LEPR: variants seen among roughly 807,000 people sequenced by gnomAD.
LEPR encodes the protein leptin receptor.
Under a neutral mutation model 114.7 loss-of-function variants are expected in LEPR, and 56 were observed. The ratio of observed to expected loss-of-function variants is 0.49; its 90% CI spans 0.39 to 0.61. LEPR has a LOEUF of 0.61. Ranked by LOEUF, LEPR falls within the 20% of genes least tolerant of loss-of-function variation. The pLI is 0.00. For synonymous variants in LEPR, 443 were observed against 461.4 expected, an observed-to-expected ratio of 0.96 and a Z score of 0.51; for missense variants, 1,202 against 1,352.9, an observed-to-expected ratio of 0.89 and a Z score of 1.75.
intron 1 of LEPR, among the ~76,000 whole-genome samples, chr1:65,422,521 C>T (rs906263971): frequency 1.3e-4 from 20 of 152,158 alleles, no homozygotes; most frequent in African/African-American, 4.8e-4. Context: ...GTAACGGCAG[C>T]CCTAGGAAGC....
At chr1:65,539,063 GTT>G (rs11350037) in intron 2 of LEPR, among the ~76,000 whole-genome samples, 123 of 134,966 alleles carry the variant, frequency 9.1e-4, no homozygotes, top group Non-Finnish European at 1.2e-3. Flanking sequence ...TTATTTCCTG[GTT>G]TTTTTTTTTT....
intron 1 of LEPR, 115 bp downstream of exon 1, chr1:65,420,855 C>A: frequency 7.7e-7 from 1 of 1,304,412 alleles, no homozygotes; most frequent in Non-Finnish European, 1.1e-6. Flanking sequence ...CCACCCTTCC[C>A]GCCTCTCCGG....
Position 65,630,231 on chromosome 1 carries a change from T to A in LEPR, c.2674-5960T>A, listed in dbSNP as rs1376984677. On this transcript the variant is annotated intron_variant, in intron 19 of 19. Coordinates refer to ENST00000349533, the MANE Select transcript of LEPR (RefSeq NM_002303.6). ...TTGAAGGCAGCATGTTCGTTAAGAGTCATCACCACTCCCTAATCTCAAGTA... is the reference window on the plus strand; with the variant it reads ...TTGAAGGCAGCATGTTCGTTAAGAGACATCACCACTCCCTAATCTCAAGTA... 12 of 348,804 alleles carry A rather than the reference T, an allele frequency of 3.4e-5. No homozygotes were observed. Among genetic ancestry groups the A allele is most frequent in the Non-Finnish European group, 6.1e-5 (11 of 179,252 alleles). The allele number at this position is 348,804 out of a possible 1,614,324, so 21.6% of individuals were successfully genotyped here.
At chr1:65,541,551 C>A (rs1017233094) in intron 2 of LEPR, among the ~76,000 whole-genome samples, 2 of 151,784 alleles carry the variant, frequency 1.3e-5, no homozygotes, top group Non-Finnish European at 2.9e-5. Context: ...AAGTCTTTAA[C>A]AGCTACTTGA....
At chr1:65,636,084 T>A in intron 19 of LEPR, 107 bp from the exon 20 acceptor site, 6 of 1,300,052 alleles carry the variant, frequency 4.6e-6, no homozygotes, top group Non-Finnish European at 6.6e-6. Flanking sequence ...TGTGGTTGAC[T>A]TATGTTCTTT....
At chr1:65,475,813 C>T (rs554646917) in intron 2 of LEPR, among the ~76,000 whole-genome samples, 170 of 152,030 alleles carry the variant, frequency 1.1e-3, no homozygotes, top group Non-Finnish European at 2.0e-3. Flanking sequence ...CCCACCATTA[C>T]GAAACCAGCT....
intron 7 of LEPR, 37 bp downstream of exon 7, chr1:65,596,630 A>C (rs1206855975): frequency 1.9e-6 from 3 of 1,586,528 alleles, no homozygotes. Flanking sequence ...AAAAGTTGAG[A>C]AGTAAATAAA....
intron 2 of LEPR, among the ~76,000 whole-genome samples, chr1:65,442,722 C>T (rs1646664842): frequency 6.6e-6 from 1 of 152,034 alleles, no homozygotes; most frequent in Admixed American, 6.6e-5. Context: ...ATATGATATA[C>T]CTCAATAAAA....
intron 2 of LEPR, among the ~76,000 whole-genome samples, chr1:65,454,033 G>A (rs1281723004): frequency 5.3e-5 from 8 of 151,482 alleles, no homozygotes; most frequent in Non-Finnish European, 8.8e-5. Flanking sequence ...TTACCATTAT[G>A]TAATGGCCTT....
In LEPR at chr1:65,633,277, A is replaced by C; in HGVS notation, c.2674-2914A>C. The C allele has an allele frequency of 3.2e-6, 5 of 1,540,356 alleles. No individual in the cohort carries two copies. Among genetic ancestry groups the C allele is most frequent in the Non-Finnish European group, 4.4e-6 (5 of 1,148,160 alleles). On this transcript the variant is annotated intron_variant, in intron 19 of 19. Coordinates refer to ENST00000349533, the MANE Select transcript of LEPR (RefSeq NM_002303.6). The surrounding 1 kb of genome is among the most constrained non-coding windows in gnomAD (Gnocchi z 4.1). ...GAAGAAGGGGAGCAAATCTAAAAAA[A>C]ATTCAGTTGAACTTCTGAGAGTTAA...
chr1:65,433,588 G>A, intron 2 of LEPR: 1 of 985,442 alleles, frequency 1.0e-6, no homozygotes, highest in Middle Eastern at 5.2e-4. Context: ...CTGGAAAATA[G>A]AAAGTAATAA....
At chr1:65,599,018 T>A (rs889682851) in intron 8 of LEPR, among the ~76,000 whole-genome samples, 3 of 152,112 alleles carry the variant, frequency 2.0e-5, no homozygotes, top group Admixed American at 2.0e-4. Flanking sequence ...TATTGTAGGA[T>A]CACTTTTCCT....
chr1:65,621,348 T>C lies in LEPR; in HGVS notation c.2492-5T>C. The C allele has an allele frequency of 1.2e-6, 2 of 1,610,890 alleles. No individual in the cohort carries two copies. Among genetic ancestry groups the C allele is most frequent in the Non-Finnish European group, 1.7e-6 (2 of 1,177,520 alleles). The stretch of plus-strand genomic sequence containing the variant: ...TGAGTTGTGTAAATTGTATTTCTTT[T>C]TCAGATGATATTGAAAAACACCAGA... On this transcript the variant is annotated splice_region_variant and splice_polypyrimidine_tract_variant and intron_variant, in intron 17 of 19. Coordinates refer to ENST00000349533, the MANE Select transcript of LEPR (RefSeq NM_002303.6).
intron 2 of LEPR, among the ~76,000 whole-genome samples, chr1:65,513,954 C>T (rs1422812334): frequency 1.3e-5 from 2 of 152,048 alleles, no homozygotes; most frequent in African/African-American, 4.8e-5. Context: ...CTGTGTTGCT[C>T]ATTTATGAGA....
At chr1:65,581,917 T>C (rs1655014930) in intron 5 of LEPR, among the ~76,000 whole-genome samples, 1 of 152,324 alleles carries the variant, frequency 6.6e-6, no homozygotes, top group African/African-American at 2.4e-5. Flanking sequence ...ACCACTGTTC[T>C]CCAGTTTCCA....
rs528483799 is a variant in LEPR at position 65,636,742 on chromosome 1, G to C, written c.3225G>C (p.Lys1075Asn). 1.9e-5 allele frequency: 30 copies of C among 1,612,320 alleles called. No individual in the cohort carries two copies. In the South Asian group the frequency reaches 2.8e-4, roughly 15 times the overall value. ...TCCCTGAAGAAAATAATGATAAAAA[G>C]TCTATCTATTATTTAGGGGTCACCT... ...GNFPEENNDK[K>N]SIYYLGVTSI... is the part of the protein sequence containing the mutation. Residue 1075 changes from lysine to asparagine, a missense_variant, in exon 20 of 20, where the codon AAG becomes AAC. Physicochemically the swap from Lys to Asn is moderately conservative, Grantham distance 94 (BLOSUM62 0). Transcript: ENST00000349533.
intron 19 of LEPR, chr1:65,634,484 A>G (rs939429179): frequency 1.1e-6 from 1 of 944,110 alleles, no homozygotes; most frequent in African/African-American, 1.8e-5. Context: ...AAATGGATAT[A>G]CTTTTAATAA....
chr1:65,491,657 T>C (rs1478932278), intron 2 of LEPR, among the ~76,000 whole-genome samples: 2 of 152,126 alleles, frequency 1.3e-5, no homozygotes, highest in Non-Finnish European at 2.9e-5. Context: ...GCCAAACGTC[T>C]GTTTTAGCAA....
intron 3 of LEPR, among the ~76,000 whole-genome samples, chr1:65,567,345 A>G (rs1437016273): frequency 6.6e-6 from 1 of 152,234 alleles, no homozygotes; most frequent in Non-Finnish European, 1.5e-5. Flanking sequence ...CCTAGAATAT[A>G]TAATGCTGTA....
Sources: allele counts gnomAD v4.1 joint callset (sites outside exome capture counted in the v4.1 genomes callset), GRCh38; gene constraint gnomAD v4.1.1; non-coding constraint Gnocchi (gnomAD v3.1); transcripts MANE v1.5; gene names NCBI Gene and HGNC (gene_info 2026-07-23, HGNC 2026-07-21).